NKAIN2: variants seen among roughly 807,000 people sequenced by gnomAD.
NKAIN2 encodes the protein sodium/potassium transporting ATPase interacting 2, also known as sodium/potassium-transporting ATPase subunit beta-1-interacting protein 2.
Under a neutral mutation model 32.6 loss-of-function variants are expected in NKAIN2, and 14 were observed. That is an observed-to-expected ratio of 0.43 (90% CI 0.28 to 0.67). NKAIN2 has a LOEUF of 0.67. NKAIN2 is among the 30% of genes least tolerant of loss of function. NKAIN2 has a pLI of 0.17. For synonymous variants in NKAIN2, 80 were observed against 87.2 expected, an observed-to-expected ratio of 0.92 and a Z score of 0.46; for missense variants, 198 against 258.3, an observed-to-expected ratio of 0.77 and a Z score of 1.60.
At chr6:123,870,981 TC>T (rs1772840215) in intron 1 of NKAIN2, among the ~76,000 whole-genome samples, 1 of 152,168 alleles carries the variant, frequency 6.6e-6, no homozygotes, top group African/African-American at 2.4e-5. Flanking sequence ...CAGCTATTTT[TC>T]TTGATATTTG....
chr6:124,756,593 A>G (rs527790759), intron 4 of NKAIN2, among the ~76,000 whole-genome samples: 2 of 152,162 alleles, frequency 1.3e-5, no homozygotes, highest in Non-Finnish European at 2.9e-5. Flanking sequence ...CAGGAGTTCA[A>G]GACCAGCCTG....
At chr6:124,281,438 A>G (rs1235483946) in intron 1 of NKAIN2, among the ~76,000 whole-genome samples, 3 of 152,206 alleles carry the variant, frequency 2.0e-5, no homozygotes, top group Non-Finnish European at 1.5e-5. Context: ...ATGGCTCATC[A>G]GAAGACAATT....
In NKAIN2 at chr6:124,711,439, A is replaced by T. The variant is rs1284306432; in HGVS notation, c.474+53053A>T. 6.0e-5 allele frequency among the ~76,000 whole-genome samples: 9 copies of T among 150,118 alleles called. No homozygotes were observed. In the South Asian group the frequency reaches 6.4e-4, roughly 11 times the overall value. ...TTTCTAACTTGGTTCCATTCTCCCCATCACTTTCAGGTACACCAGTCAGAC... is the reference window on the plus strand; with the variant it reads ...TTTCTAACTTGGTTCCATTCTCCCCTTCACTTTCAGGTACACCAGTCAGAC... On this transcript the variant is annotated intron_variant, in intron 4 of 6. Transcript: ENST00000368417.
intron 4 of NKAIN2, among the ~76,000 whole-genome samples, chr6:124,712,508 T>C (rs1775542737): frequency 8.7e-6 from 1 of 114,312 alleles, no homozygotes; most frequent in South Asian, 2.7e-4. Context: ...AGGTGCAGGA[T>C]ATAATCTGGT....
intron 6 of NKAIN2, among the ~76,000 whole-genome samples, chr6:124,821,778 A>AC (rs1364337409): frequency 6.6e-6 from 1 of 152,214 alleles, no homozygotes; most frequent in Non-Finnish European, 1.5e-5. Context: ...TTTAAAAATT[A>AC]CTAGTCAAAA....
At chr6:124,388,353 C>T (rs1404254070) in intron 3 of NKAIN2, among the ~76,000 whole-genome samples, 2 of 147,670 alleles carry the variant, frequency 1.4e-5, no homozygotes, top group Non-Finnish European at 3.1e-5. Context: ...CTGTAACACA[C>T]TCACCTGGAC....
chr6:124,509,021 T>C (rs1046663121), intron 3 of NKAIN2, among the ~76,000 whole-genome samples: 5 of 152,224 alleles, frequency 3.3e-5, no homozygotes, highest in Non-Finnish European at 5.9e-5. Context: ...AAGGTTACAT[T>C]ATGATGCCCT....
intron 1 of NKAIN2, among the ~76,000 whole-genome samples, chr6:124,014,293 C>T (rs533160699): frequency 6.6e-6 from 1 of 152,218 alleles, no homozygotes; most frequent in African/African-American, 2.4e-5. Context: ...TATATACTTG[C>T]ATTTGGTTTT....
intron 1 of NKAIN2, among the ~76,000 whole-genome samples, chr6:123,961,225 C>G (rs1348685327): frequency 6.6e-6 from 1 of 152,012 alleles, no homozygotes; most frequent in Admixed American, 6.6e-5. Context: ...ATTGAGTTCT[C>G]TCCTGTGTCT....
chr6:124,444,883 A>T (rs1775827672), intron 3 of NKAIN2, among the ~76,000 whole-genome samples: 2 of 152,052 alleles, frequency 1.3e-5, no homozygotes, highest in African/African-American at 4.8e-5. Context: ...GAATGCTTTT[A>T]AATATTGCTG....
intron 1 of NKAIN2, among the ~76,000 whole-genome samples, chr6:124,110,574 G>A (rs923288938): frequency 1.3e-5 from 2 of 151,920 alleles, no homozygotes; most frequent in Non-Finnish European, 2.9e-5. Context: ...AGTCCCTAGT[G>A]TCTGTTGTTT....
chr6:124,389,581 T>C (rs1773052302), intron 3 of NKAIN2, among the ~76,000 whole-genome samples: 1 of 152,018 alleles, frequency 6.6e-6, no homozygotes, highest in African/African-American at 2.4e-5. Flanking sequence ...CCTGAGGAAA[T>C]AGACTACCTT....
intron 3 of NKAIN2, among the ~76,000 whole-genome samples, chr6:124,485,518 A>G (rs1777615658): frequency 6.6e-6 from 1 of 152,052 alleles, no homozygotes; most frequent in Non-Finnish European, 1.5e-5. Flanking sequence ...ATGTTAAAAT[A>G]TAGTTAAAAT....
intron 1 of NKAIN2, among the ~76,000 whole-genome samples, chr6:123,854,000 T>C (rs893690549): frequency 4.6e-5 from 7 of 152,156 alleles, no homozygotes; most frequent in Non-Finnish European, 5.9e-5. Context: ...CTTGAACTCC[T>C]GACCTCAGGT....
chr6:124,341,612 A>G (rs996706319), intron 2 of NKAIN2, among the ~76,000 whole-genome samples: 1 of 152,234 alleles, frequency 6.6e-6, no homozygotes, highest in African/African-American at 2.4e-5. Flanking sequence ...AAGCTTGATC[A>G]TATGACAGCA....
intron 2 of NKAIN2, among the ~76,000 whole-genome samples, chr6:124,286,440 TA>T (rs1167889269): frequency 6.6e-6 from 1 of 152,136 alleles, no homozygotes; most frequent in African/African-American, 2.4e-5. Context: ...TATCCAAAAT[TA>T]TTTTACTGAA....
intron 1 of NKAIN2, among the ~76,000 whole-genome samples, chr6:124,084,089 A>T (rs1344209356): frequency 1.3e-5 from 2 of 151,928 alleles, no homozygotes; most frequent in African/African-American, 4.8e-5. Context: ...ATTATCCCAG[A>T]TTTCTAGCTT....
At chr6:123,895,372 G>T (rs565404094) in intron 1 of NKAIN2, among the ~76,000 whole-genome samples, 6 of 152,036 alleles carry the variant, frequency 3.9e-5, no homozygotes, top group African/African-American at 1.4e-4. Flanking sequence ...TCCAAATTTT[G>T]TATTACACAT....
At position 124,823,712 on chromosome 6, in the gene NKAIN2, C is replaced by T. The variant is rs144445531; in HGVS notation, c.*483C>T. 1.3e-5 allele frequency: 2 copies of T among 159,552 alleles called. No homozygotes were observed. Among genetic ancestry groups the T allele is most frequent in the African/African-American group, 4.8e-5 (2 of 41,714 alleles). 9.9% of individuals were successfully genotyped at this position (159,552 alleles called of 1,614,324 possible). On this transcript the variant is annotated 3_prime_UTR_variant, in exon 7 of 7. Transcript: ENST00000368417. Reference sequence around the variant, plus strand: ...AATGTAATTGCAAAAACAAACGAAACATGCCATGATGACCTTGTACCCGAA... The same window carrying T: ...AATGTAATTGCAAAAACAAACGAAATATGCCATGATGACCTTGTACCCGAA...
Sources: allele counts gnomAD v4.1 joint callset (sites outside exome capture counted in the v4.1 genomes callset), GRCh38; gene constraint gnomAD v4.1.1; transcripts MANE v1.5; gene names NCBI Gene and HGNC (gene_info 2026-07-23, HGNC 2026-07-21).